Variants in MS4A8 observed in about 807,000 individuals in gnomAD.
The protein encoded by MS4A8 is membrane spanning 4-domains A8.
In MS4A8, 27 loss-of-function variants were observed where a neutral mutation model predicts 23.7. The ratio of observed to expected loss-of-function variants is 1.14; its 90% confidence interval spans 0.84 to 1.57. The LOEUF is 1.57. Among genes scored for constraint, MS4A8 ranks in the 40% most tolerant of loss-of-function variants. The pLI, the probability that MS4A8 is intolerant of heterozygous loss-of-function variation, is 0.00. For missense variants in MS4A8, 301 were observed against 311.4 expected, an observed-to-expected ratio of 0.97 and a Z score of 0.25; for synonymous variants, 138 against 126.3, an observed-to-expected ratio of 1.09 and a Z score of -0.62.
intron 3 of MS4A8, among the ~76,000 whole-genome samples, chr11:60,704,116 CTTTTTTTTTTTTTTT>C (rs1245958477): frequency 7.9e-6 from 1 of 126,870 alleles, no homozygotes; most frequent in South Asian, 2.4e-4. Flanking sequence ...TTTCTTTTTA[CTTTTTTTTTTTTTTT>C]TTTTTTTGAG....
intron 5 of MS4A8, 188 bp downstream of exon 5, chr11:60,708,969 G>A (rs369518084): frequency 6.6e-5 from 40 of 601,554 alleles, no homozygotes; most frequent in African/African-American, 6.4e-4. Context: ...CCCAGTTTGG[G>A]TTTCTGCCTT....
Position 60,715,547 on chromosome 11 carries a change from T to C in MS4A8, c.*133T>C, listed in dbSNP as rs2088337150. On this transcript the variant is annotated 3_prime_UTR_variant, in exon 7 of 7. Transcript: ENST00000300226. ...TCTCCCACTGTTTGTACTCTCACCT[T>C]CATTCTTCAATTCAGTCTAGGAAAC... The C allele has an allele frequency of 7.7e-6, 5 of 649,730 alleles. No individual in the cohort carries two copies. In the Admixed American group the frequency reaches 1.3e-4, roughly 17 times the overall value. The allele number at this position is 649,730 out of a possible 1,614,324, so 40.2% of individuals were successfully genotyped here. A position where few individuals can be genotyped will look rare whatever the true frequency, so the allele number is the denominator to read the frequency against.
intron 5 of MS4A8, chr11:60,712,515 C>T (rs1322514512): frequency 6.1e-6 from 6 of 984,878 alleles, no homozygotes; most frequent in Middle Eastern, 5.2e-4. Flanking sequence ...TAATTGAGGC[C>T]GGTCACGGTG....
intron 3 of MS4A8, 105 bp downstream of exon 3, chr11:60,703,605 C>A: frequency 7.3e-7 from 1 of 1,364,760 alleles, no homozygotes; most frequent in Non-Finnish European, 1.0e-6. Flanking sequence ...GGTTCCCAGC[C>A]ACCCAAATGT....
At chr11:60,710,481 G>A (rs1479935495) in intron 5 of MS4A8, among the ~76,000 whole-genome samples, 3 of 151,986 alleles carry the variant, frequency 2.0e-5, no homozygotes, top group African/African-American at 7.3e-5. Context: ...CCAATCCCTC[G>A]GGCAATCCTG....
chr11:60,709,100 A>G lies in MS4A8; in HGVS notation c.534+319A>G, dbSNP rs1028218908. On this transcript the variant is annotated intron_variant, in intron 5 of 6. Coordinates refer to ENST00000300226, the MANE Select transcript of MS4A8 (RefSeq NM_031457.2). ...ATTCTCTGCCTTCTTGCCCATTACT[A>G]TAAGCCAGAGGTTAGCAAACTTATT... The G allele has an allele frequency of 9.0e-5, 30 of 332,688 alleles. No individual in the cohort carries two copies. The East Asian group carries it at 1.4e-3, about 15-fold the overall frequency. 20.6% of individuals were successfully genotyped at this position (332,688 alleles called of 1,614,324 possible). A position where few individuals can be genotyped will look rare whatever the true frequency, so the allele number is the denominator to read the frequency against.
chr11:60,700,936 A>T lies in MS4A8; in HGVS notation c.76A>T (p.Thr26Ser). 1 of 1,614,158 alleles carries T rather than the reference A, an allele frequency of 6.2e-7. No individual in the cohort carries two copies. Among genetic ancestry groups the T allele is most frequent in the Non-Finnish European group, 8.5e-7 (1 of 1,180,024 alleles). ...GGCACCCCACAATGGTTATCCTGTG[A>T]CCCCAGGAATTATGTCTCACGTGCC... ...VVAPHNGYPVTPGIMSHVPLY... is the reference protein window; with the variant it reads ...VVAPHNGYPVSPGIMSHVPLY... The change falls in exon 2 of 7, where the codon ACC becomes TCC. Residue 26 changes from threonine to serine, a missense_variant. Coordinates refer to ENST00000300226, the MANE Select transcript of MS4A8 (RefSeq NM_031457.2).
At chr11:60,711,488 C>G (rs1590955407) in intron 5 of MS4A8, among the ~76,000 whole-genome samples, 1 of 152,148 alleles carries the variant, frequency 6.6e-6, no homozygotes, top group Admixed American at 6.6e-5. Flanking sequence ...ATTCCTCAGC[C>G]AGGTATTTGC....
At chr11:60,703,540 G>C in intron 3 of MS4A8, 40 bp downstream of exon 3, 2 of 1,599,544 alleles carry the variant, frequency 1.3e-6, no homozygotes, top group Non-Finnish European at 8.5e-7. Context: ...GCTCCCAGAA[G>C]GTGCCAAGGC....
intron 3 of MS4A8, among the ~76,000 whole-genome samples, chr11:60,704,976 C>A (rs1404919677): frequency 2.0e-5 from 3 of 152,150 alleles, no homozygotes; most frequent in African/African-American, 7.2e-5. Context: ...CCTCCTGACT[C>A]ACACACCTAC....
rs138969504 is a variant in MS4A8, at chr11:60,703,417, G to A, written c.259G>A (p.Gly87Ser). The change falls in exon 3 of 7, where the codon GGC (glycine) becomes AGC (serine). Residue 87 changes from glycine (G) to serine (S), a missense_variant. Transcript: ENST00000300226. Reference sequence around the variant, plus strand: ...CATTGGCCTGGCTCACATCGGCCTCGGCTCCATCATGGCGACGGTTCTCGT... The same window carrying A: ...CATTGGCCTGGCTCACATCGGCCTCAGCTCCATCATGGCGACGGTTCTCGT... ...IIIGLAHIGLGSIMATVLVGE... is the reference protein window; with the variant it reads ...IIIGLAHIGLSSIMATVLVGE... The A allele has an allele frequency of 7.0e-5, 112 of 1,603,170 alleles. 1 individual carries two copies. The highest frequency in any genetic ancestry group is 9.5e-5 in the African/African-American group (7 of 74,058).
intron 3 of MS4A8, among the ~76,000 whole-genome samples, chr11:60,704,752 T>A (rs2088238950): frequency 6.6e-6 from 1 of 152,056 alleles, no homozygotes; most frequent in African/African-American, 2.4e-5. Context: ...TGTTAAGAAC[T>A]ACAGTCCTTC....
rs754977907 is a variant in MS4A8 at position 60,712,439 on chromosome 11, C to G, written c.535-2582C>G. The stretch of plus-strand genomic sequence containing the variant: ...GAAAAGGGGCTAAGGAGAGGCCTCT[C>G]CAGAAGAGAGAATTCTCCAAGCATC... On this transcript the variant is annotated intron_variant, in intron 5 of 6. Coordinates refer to ENST00000300226, the MANE Select transcript of MS4A8 (RefSeq NM_031457.2). 8 of 985,146 alleles carry G rather than the reference C, an allele frequency of 8.1e-6. No homozygotes were observed. The South Asian group carries it at 1.9e-4, about 23-fold the overall frequency. The allele number at this position is 985,146 out of a possible 1,614,324, so 61.0% of individuals were successfully genotyped here.
chr11:60,706,274 CTGGG>C (rs2088255156), intron 3 of MS4A8, among the ~76,000 whole-genome samples: 2 of 152,212 alleles, frequency 1.3e-5, no homozygotes, highest in Admixed American at 6.5e-5. Flanking sequence ...TGCTAGCCCA[CTGGG>C]CAAATGATGG....
chr11:60,715,687 G>T lies in MS4A8; in HGVS notation c.*273G>T. ...GTGGGCATCCAGCCTCTGGGGCCTT[G>T]GCACACACACATTCGTGTGCTCTGC... On this transcript the variant is annotated 3_prime_UTR_variant, in exon 7 of 7. Transcript: ENST00000300226. 1 of 446,316 alleles carries T rather than the reference G, an allele frequency of 2.2e-6. No individual in the cohort carries two copies. Among genetic ancestry groups the T allele is most frequent in the South Asian group, 2.5e-5 (1 of 39,648 alleles). 27.6% of individuals were successfully genotyped at this position (446,316 alleles called of 1,614,324 possible). A position where few individuals can be genotyped will look rare whatever the true frequency, so the allele number is the denominator to read the frequency against.
intron 5 of MS4A8, among the ~76,000 whole-genome samples, chr11:60,710,822 C>A (rs909756466): frequency 6.6e-6 from 1 of 152,206 alleles, no homozygotes; most frequent in African/African-American, 2.4e-5. Flanking sequence ...ACCACGGGAA[C>A]CTCCATGATG....
Position 60,715,752 on chromosome 11 carries a change from C to T in MS4A8, c.*338C>T, listed in dbSNP as rs2088338888. 6.6e-6 allele frequency: 2 copies of T among 303,960 alleles called. No homozygotes were observed. Among genetic ancestry groups the T allele is most frequent in the Non-Finnish European group, 1.2e-5 (2 of 161,030 alleles). 18.8% of individuals were successfully genotyped at this position (303,960 alleles called of 1,614,324 possible). A position where few individuals can be genotyped will look rare whatever the true frequency, so the allele number is the denominator to read the frequency against. On this transcript the variant is annotated 3_prime_UTR_variant, in exon 7 of 7. Coordinates refer to ENST00000300226, the MANE Select transcript of MS4A8 (RefSeq NM_031457.2). ...TGGGTTAGAGGAACAAATATCTAGA[C>T]ATTCAATCTTCACTCTTTCAATTGT...
intron 2 of MS4A8, among the ~76,000 whole-genome samples, chr11:60,702,403 T>G (rs1331669715): frequency 6.6e-6 from 1 of 152,194 alleles, no homozygotes; most frequent in Non-Finnish European, 1.5e-5. Flanking sequence ...ATAATAAAGT[T>G]GAAAACTTTG....
chr11:60,705,107 G>T (rs1244749822), intron 3 of MS4A8, among the ~76,000 whole-genome samples: 1 of 152,056 alleles, frequency 6.6e-6, no homozygotes, highest in African/African-American at 2.4e-5. Context: ...CTCCATCCCC[G>T]ACAGCCACAC....
Sources: gnomAD v4.1 joint callset for allele counts (sites outside exome capture counted in the v4.1 genomes callset) on GRCh38, gnomAD v4.1.1 for gene constraint, MANE v1.5 for transcripts, NCBI Gene and HGNC (gene_info 2026-07-23, HGNC 2026-07-21) for gene names.